ASIC2: variants seen among roughly 807,000 people sequenced by gnomAD.
The protein encoded by ASIC2 is acid-sensing ion channel 2.
A neutral mutation model predicts 57.3 loss-of-function variants in ASIC2; 25 were observed. The ratio of observed to expected loss-of-function variants is 0.44; its 90% CI spans 0.32 to 0.61. The LOEUF (loss-of-function observed/expected upper bound fraction) is 0.61. ASIC2 is among the 20% of genes least tolerant of loss of function. The pLI, the probability that ASIC2 is intolerant of heterozygous loss-of-function variation, is 0.06. For synonymous variants in ASIC2, 319 were observed against 307.5 expected (o/e 1.04, Z -0.39); for missense variants, 641 against 738.1 (o/e 0.87, Z 1.52).
chr17:33,843,277 T>C (rs1597899183), intron 1 of ASIC2, among the ~76,000 whole-genome samples: 1 of 152,164 alleles, frequency 6.6e-6, no homozygotes, highest in East Asian at 1.9e-4. Context: ...TCAATGAACA[T>C]TGGGTGAGAA....
At chr17:33,778,797 A>T (rs1331758547) in intron 1 of ASIC2, among the ~76,000 whole-genome samples, 1 of 152,182 alleles carries the variant, frequency 6.6e-6, no homozygotes, top group African/African-American at 2.4e-5. Flanking sequence ...TAATGTCTAG[A>T]CTGCATAGTG....
rs539438719 is a variant in ASIC2, at chr17:33,285,255, T to C, written c.708+6153A>G. Reference sequence around the variant, plus strand: ...TGGTCATTTTGGATATCTGCAGACCTGAGTGGAGTTTACATTTGATTCCCT... The same window carrying C: ...TGGTCATTTTGGATATCTGCAGACCCGAGTGGAGTTTACATTTGATTCCCT... On this transcript the variant is annotated intron_variant, in intron 1 of 9. Transcript: ENST00000225823. Among the ~76,000 whole-genome samples the C allele has an allele frequency of 2.6e-5, 4 of 152,348 alleles. No individual in the cohort carries two copies. In the South Asian group the frequency reaches 6.2e-4, roughly 24 times the overall value.
intron 3 of ASIC2, among the ~76,000 whole-genome samples, chr17:33,050,061 GT>G (rs757221436): frequency 6.6e-5 from 10 of 152,186 alleles, no homozygotes; most frequent in Non-Finnish European, 1.5e-4. Context: ...ATGCTATCGG[GT>G]AAGCCTGCTC....
chr17:34,057,464 G>A (rs1282663055), intron 1 of ASIC2, among the ~76,000 whole-genome samples: 1 of 152,228 alleles, frequency 6.6e-6, no homozygotes, highest in Non-Finnish European at 1.5e-5. Flanking sequence ...GTGAGTGCCT[G>A]TCTGATGATG....
chr17:34,030,170 T>G (rs1241561831), intron 1 of ASIC2, among the ~76,000 whole-genome samples: 1 of 152,194 alleles, frequency 6.6e-6, no homozygotes, highest in Non-Finnish European at 1.5e-5. Context: ...GTGAATGTGT[T>G]GCATATAAGC....
intron 1 of ASIC2, among the ~76,000 whole-genome samples, chr17:33,492,875 C>T (rs1477374991): frequency 6.6e-6 from 1 of 152,214 alleles, no homozygotes; most frequent in Non-Finnish European, 1.5e-5. Flanking sequence ...GCACTTTCCT[C>T]TCTGTACATA....
At chr17:33,875,095 C>G (rs564391733) in intron 1 of ASIC2, among the ~76,000 whole-genome samples, 1 of 152,198 alleles carries the variant, frequency 6.6e-6, no homozygotes, top group Admixed American at 6.5e-5. Flanking sequence ...TCCAGGAATG[C>G]GGGAATAATG....
chr17:33,576,924 G>C (rs1446308685), intron 1 of ASIC2, among the ~76,000 whole-genome samples: 1 of 152,178 alleles, frequency 6.6e-6, no homozygotes, highest in East Asian at 1.9e-4. Context: ...ACCTCATAGA[G>C]TTGTTGTAAG....
intron 1 of ASIC2, among the ~76,000 whole-genome samples, chr17:33,471,370 A>G (rs531542803): frequency 2.2e-4 from 33 of 152,296 alleles, no homozygotes; most frequent in African/African-American, 7.9e-4. Context: ...ACTCAGCAAC[A>G]TAGGCCTTAT....
intron 1 of ASIC2, among the ~76,000 whole-genome samples, chr17:33,738,863 T>C (rs779515224): frequency 6.6e-6 from 1 of 152,230 alleles, no homozygotes; most frequent in Non-Finnish European, 1.5e-5. Context: ...TCCTTTTCCC[T>C]AAGGTGAACA....
intron 1 of ASIC2, among the ~76,000 whole-genome samples, chr17:33,192,694 G>T (rs1268605616): frequency 1.3e-5 from 2 of 152,274 alleles, no homozygotes; most frequent in East Asian, 1.9e-4. Flanking sequence ...CCAGCCCCAT[G>T]ACATGGTCTG....
At chr17:33,569,652 C>G (rs545832353) in intron 1 of ASIC2, among the ~76,000 whole-genome samples, 21 of 152,162 alleles carry the variant, frequency 1.4e-4, no homozygotes, top group African/African-American at 5.1e-4. Context: ...GCTATTTATT[C>G]TTTCATCCAC....
Position 33,671,002 on chromosome 17 carries a change from A to C in ASIC2, c.555+484976T>G, listed in dbSNP as rs1221165127. On this transcript the variant is annotated intron_variant, in intron 1 of 9. Coordinates refer to the ASIC2 transcript ENST00000359872. Reference sequence around the variant, plus strand: ...TTCATCTATGCTTTTAAGAGATGAAAAGTTTAAGAACCCATGGGACAAAAA... The same window carrying C: ...TTCATCTATGCTTTTAAGAGATGAACAGTTTAAGAACCCATGGGACAAAAA... 3.3e-5 allele frequency among the ~76,000 whole-genome samples: 5 copies of C among 152,188 alleles called. No homozygotes were observed. The East Asian group carries it at 9.6e-4, about 29-fold the overall frequency.
At chr17:33,677,473 C>T (rs1008330760) in intron 1 of ASIC2, among the ~76,000 whole-genome samples, 8 of 152,064 alleles carry the variant, frequency 5.3e-5, no homozygotes, top group African/African-American at 1.9e-4. Context: ...ATAGTAATTC[C>T]CCTGATGAAT....
chr17:33,873,534 T>C (rs926039477), intron 1 of ASIC2, among the ~76,000 whole-genome samples: 4 of 152,224 alleles, frequency 2.6e-5, no homozygotes. Context: ...AGGCCATCAC[T>C]TACTACTGTG....
rs1035628740 is a variant in ASIC2 at position 34,141,514 on chromosome 17, T to G, written c.555+14464A>C. Among the ~76,000 whole-genome samples, 108 of 152,372 alleles carry G rather than the reference T, an allele frequency of 7.1e-4. 1 individual carries two copies. The highest frequency in any genetic ancestry group is 3.7e-4 in the Non-Finnish European group (25 of 68,038). ...TTGTGTAAAGTAATCTTTTATTTAC[T>G]GTTTAGCTTCCCCACTAAACCACGA... On this transcript the variant is annotated intron_variant, in intron 1 of 9. Transcript: ENST00000359872.
chr17:33,315,731 T>C (rs1906618556), intron 1 of ASIC2, among the ~76,000 whole-genome samples: 1 of 152,234 alleles, frequency 6.6e-6, no homozygotes, highest in South Asian at 2.1e-4. Context: ...GCATATCATA[T>C]ACAACACAGG....
intron 1 of ASIC2, among the ~76,000 whole-genome samples, chr17:33,693,639 C>A (rs1174525170): frequency 1.3e-5 from 2 of 152,146 alleles, no homozygotes; most frequent in East Asian, 3.8e-4. Flanking sequence ...TGTTGAGAAC[C>A]AGGAGAATAA....
At chr17:33,654,043 T>C (rs1289081052) in intron 1 of ASIC2, among the ~76,000 whole-genome samples, 1 of 152,198 alleles carries the variant, frequency 6.6e-6, no homozygotes, top group Admixed American at 6.5e-5. Context: ...ATGCAGTTCT[T>C]TCTACTATAT....
Sources: gnomAD v4.1 joint callset for allele counts (sites outside exome capture counted in the v4.1 genomes callset) on GRCh38, gnomAD v4.1.1 for gene constraint, MANE v1.5 for transcripts, NCBI Gene and HGNC (gene_info 2026-07-23, HGNC 2026-07-21) for gene names.